Variants in EFCAB14 observed in about 807,000 individuals in gnomAD.
EFCAB14 encodes EF-hand calcium binding domain 14, also known as EF-hand calcium-binding domain-containing protein 14.
In EFCAB14, 43 loss-of-function variants were observed where a neutral mutation model predicts 56.5. The observed-to-expected ratio is 0.76, with a 90% CI of 0.60 to 0.98. The LOEUF (loss-of-function observed/expected upper bound fraction) is 0.98, where lower values mean the gene tolerates loss of function less well. Among genes scored for constraint, EFCAB14 ranks in the 50% least tolerant of loss-of-function variants. EFCAB14 has a pLI of 0.00. For missense variants in EFCAB14, 538 were observed against 580.3 expected (o/e 0.93, Z 0.75); for synonymous variants, 235 against 212.9 (o/e 1.10, Z -0.90).
At position 46,698,470 on chromosome 1, in the gene EFCAB14, TTAAAA is replaced by T. The variant is rs200770002; in HGVS notation, c.481-1826_481-1822del. ...GATAGTGGGAAGCACTAGAAAAAAA[TTAAAA>T]TAAAGTAACTTGACAGGAGTGACTG... On this transcript the variant is annotated intron_variant, in intron 3 of 10. Coordinates refer to ENST00000371933, the MANE Select transcript of EFCAB14 (RefSeq NM_014774.3). 6.5e-3 allele frequency among the ~76,000 whole-genome samples: 995 copies of T among 152,028 alleles called. 8 individuals carry two copies. Among genetic ancestry groups the T allele is most frequent in the Non-Finnish European group, 0.011 (727 of 67,954 alleles).
intron 8 of EFCAB14, among the ~76,000 whole-genome samples, chr1:46,686,494 T>A (rs963296045): frequency 6.6e-6 from 1 of 152,206 alleles, no homozygotes; most frequent in Non-Finnish European, 1.5e-5. Context: ...TGTTCAATTA[T>A]GTGTTAACGA....
intron 3 of EFCAB14, among the ~76,000 whole-genome samples, chr1:46,696,992 A>G (rs1385135225): frequency 1.3e-5 from 2 of 152,242 alleles, no homozygotes; most frequent in Non-Finnish European, 2.9e-5. Flanking sequence ...ATTGGACAGG[A>G]AGAAAGCTAA....
In EFCAB14 at chr1:46,712,364, A is replaced by G. The variant is rs140752699; in HGVS notation, c.334+3931T>C. Among the ~76,000 whole-genome samples the G allele has an allele frequency of 1.7e-3, 261 of 152,318 alleles. 7 individuals carry two copies. In the East Asian group the frequency reaches 0.045, roughly 26 times the overall value. On this transcript the variant is annotated intron_variant, in intron 2 of 10. Transcript: ENST00000371933. ...ACAGAAAAGGATGGTTGAGAATAGA[A>G]TCTTCCTTAGAATAACTGTGGAGGT...
At chr1:46,707,841 C>T (rs1677254949) in intron 3 of EFCAB14, 65 bp downstream of exon 3, 1 of 1,513,706 alleles carries the variant, frequency 6.6e-7, no homozygotes, top group East Asian at 2.3e-5. Context: ...TCTCTATATC[C>T]TATTCATACT....
intron 6 of EFCAB14, among the ~76,000 whole-genome samples, chr1:46,689,010 C>A (rs183081893): frequency 5.9e-5 from 9 of 152,266 alleles, no homozygotes; most frequent in African/African-American, 1.9e-4. Context: ...TACTGACATC[C>A]TCCAGTACTG....
rs939034116 is a variant in EFCAB14, at chr1:46,696,704, C to T, written c.481-55G>A. On this transcript the variant is annotated intron_variant, in intron 3 of 10. Transcript: ENST00000371933. ...AACAAATGAGAATTTGTAGAGGACA[C>T]GTTACCTTCACAAACTCTACGGTTG... The T allele has an allele frequency of 1.6e-5, 25 of 1,525,552 alleles. No individual in the cohort carries two copies. In the Admixed American group the frequency reaches 2.7e-4, roughly 16 times the overall value. 94.5% of individuals were successfully genotyped at this position (1,525,552 alleles called of 1,614,324 possible).
chr1:46,696,655 C>G lies in EFCAB14; in HGVS notation c.481-6G>C. On this transcript the variant is annotated splice_region_variant and splice_polypyrimidine_tract_variant and intron_variant, in intron 3 of 10. Coordinates refer to ENST00000371933, the MANE Select transcript of EFCAB14 (RefSeq NM_014774.3). Reference sequence around the variant, plus strand: ...GCAGAAGTCAACAGAGAAATCTGAACAAAAAAGAGTAACAAACAATGAAAA... The same window carrying G: ...GCAGAAGTCAACAGAGAAATCTGAAGAAAAAAGAGTAACAAACAATGAAAA... 1 of 1,610,924 alleles carries G rather than the reference C, an allele frequency of 6.2e-7. No individual in the cohort carries two copies. The highest frequency in any genetic ancestry group is 1.1e-5 in the South Asian group (1 of 90,790).
intron 3 of EFCAB14, among the ~76,000 whole-genome samples, chr1:46,697,426 T>C (rs11211342): frequency 0.8 from 122,400 of 152,180 alleles, 49,389 homozygotes; most frequent in East Asian, 0.91. Flanking sequence ...AGTTTCAGGC[T>C]GCAGAGACAA....
At position 46,718,007 on chromosome 1, in the gene EFCAB14, G is replaced by A; in HGVS notation, c.81C>T (p.Ser27=). 3 of 1,614,248 alleles carry A rather than the reference G, an allele frequency of 1.9e-6. No individual in the cohort carries two copies. The highest frequency in any genetic ancestry group is 2.2e-5 in the East Asian group (1 of 44,880). The change falls in exon 1 of 11, where the codon AGC becomes AGT. Residue 27 remains serine (S), a synonymous_variant. Transcript: ENST00000371933. ...GCTCAGTGCGAAGCAGGCGGTGACT[G>A]CTTGGGCCTTTCTTGGGCTTCTTTC... ...SRRKKPKKGP[S]SHRLLRTEPP... is the part of the protein sequence containing the mutation.
chr1:46,681,663 GT>G (rs10654448), intron 10 of EFCAB14, among the ~76,000 whole-genome samples: 1 of 149,224 alleles, frequency 6.7e-6, no homozygotes, highest in African/African-American at 2.5e-5. Flanking sequence ...GAAGAGTTCT[GT>G]TTTTTTTTTT....
In EFCAB14 at chr1:46,712,254, CTGTA is replaced by C. The variant is rs929789154; in HGVS notation, c.334+4037_334+4040del. Among the ~76,000 whole-genome samples, 2 of 152,296 alleles carry C rather than the reference CTGTA, an allele frequency of 1.3e-5. 1 individual carries two copies. Among genetic ancestry groups the C allele is most frequent in the Non-Finnish European group, 2.9e-5 (2 of 68,030 alleles). On this transcript the variant is annotated intron_variant, in intron 2 of 10. Transcript: ENST00000371933. Reference sequence around the variant, plus strand: ...CTAAATGACCAAGTCACTACTTTGTCTGTATGGCCAGAAAAGGAGGTGCCTGATT... The same window carrying C: ...CTAAATGACCAAGTCACTACTTTGTCTGGCCAGAAAAGGAGGTGCCTGATT...
chr1:46,689,437 T>C (rs996401615), intron 6 of EFCAB14, 150 bp downstream of exon 6: 10 of 669,412 alleles, frequency 1.5e-5, no homozygotes, highest in East Asian at 2.8e-5. Flanking sequence ...ATCCCCGAGA[T>C]ACCAACACAC....
intron 2 of EFCAB14, among the ~76,000 whole-genome samples, chr1:46,712,567 G>T (rs572872390): frequency 6.6e-6 from 1 of 151,932 alleles, no homozygotes; most frequent in African/African-American, 2.4e-5. Context: ...TCCTTTCCTT[G>T]CAAGTGTCTT....
chr1:46,683,270 C>T (rs749823947), intron 10 of EFCAB14, 30 bp downstream of exon 10: 1 of 1,596,440 alleles, frequency 6.3e-7, no homozygotes, highest in Non-Finnish European at 8.5e-7. Context: ...TTGAACATTC[C>T]CATTACTACC....
intron 2 of EFCAB14, among the ~76,000 whole-genome samples, chr1:46,713,281 A>G (rs1281348923): frequency 6.6e-6 from 1 of 152,154 alleles, no homozygotes; most frequent in Non-Finnish European, 1.5e-5. Context: ...ATCAAAGCCA[A>G]CAAAACAGCT....
intron 2 of EFCAB14, among the ~76,000 whole-genome samples, chr1:46,709,781 A>C (rs1192122847): frequency 1.3e-5 from 2 of 152,154 alleles, no homozygotes; most frequent in African/African-American, 4.8e-5. Context: ...TGAGGTGAGG[A>C]GTTTGAGACC....
At chr1:46,703,345 T>TGA (rs1398311840) in intron 3 of EFCAB14, among the ~76,000 whole-genome samples, 2 of 152,192 alleles carry the variant, frequency 1.3e-5, no homozygotes, top group African/African-American at 2.4e-5. Flanking sequence ...CCTGACCTCG[T>TGA]GATCCACCCA....
At chr1:46,694,823 C>T (rs1677054847) in intron 4 of EFCAB14, among the ~76,000 whole-genome samples, 1 of 152,250 alleles carries the variant, frequency 6.6e-6, no homozygotes, top group East Asian at 1.9e-4. Flanking sequence ...GACTTGGAAC[C>T]AACCCAAATG....
intron 10 of EFCAB14, among the ~76,000 whole-genome samples, chr1:46,681,266 C>T (rs924023324): frequency 1.3e-5 from 2 of 152,126 alleles, no homozygotes; most frequent in Non-Finnish European, 2.9e-5. Context: ...GCCGTATATA[C>T]ATAACATTTA....
Sources: gnomAD v4.1 joint callset for allele counts (sites outside exome capture counted in the v4.1 genomes callset) on GRCh38, gnomAD v4.1.1 for gene constraint, MANE v1.5 for transcripts, NCBI Gene and HGNC (gene_info 2026-07-23, HGNC 2026-07-21) for gene names.